Variants in CLVS1 observed in about 807,000 individuals in gnomAD.
CLVS1 encodes the protein clavesin-1.
In CLVS1, 10 loss-of-function variants were observed where a neutral mutation model predicts 33.1. The observed-to-expected ratio is 0.30, with a 90% confidence interval of 0.19 to 0.51. The LOEUF (loss-of-function observed/expected upper bound fraction) is 0.51. CLVS1 is among the 20% of genes least tolerant of loss of function. The pLI is 0.97. For synonymous variants in CLVS1, 163 were observed against 166.1 expected (o/e 0.98, Z 0.14); for missense variants, 343 against 433.4 (o/e 0.79, Z 1.85).
At chr8:60,994,171 A>C in the CLVS1 span, among the ~76,000 whole-genome samples, 85 of 152,302 alleles carry the variant, frequency 5.6e-4, no homozygotes, top group Middle Eastern at 3.4e-3. Context: ...GCAGATGGCC[A>C]TCTTCTCCCT....
At chr8:61,426,667 G>T (rs557670032) in intron 3 of CLVS1, among the ~76,000 whole-genome samples, 1 of 152,312 alleles carries the variant, frequency 6.6e-6, no homozygotes, top group African/African-American at 2.4e-5. Flanking sequence ...CACTGGATTT[G>T]CCTGGTGTTT....
chr8:61,304,438 T>C (rs1475736770), intron 2 of CLVS1, among the ~76,000 whole-genome samples: 1 of 152,254 alleles, frequency 6.6e-6, no homozygotes, highest in Non-Finnish European at 1.5e-5. Context: ...TTTTTGAGGC[T>C]GCCAGGCCGA....
intron 3 of CLVS1, among the ~76,000 whole-genome samples, chr8:61,424,254 T>A (rs923795750): frequency 6.6e-6 from 1 of 152,242 alleles, no homozygotes; most frequent in Non-Finnish European, 1.5e-5. Flanking sequence ...GGTCTTACAC[T>A]TTCCATGGAG....
At chr8:61,099,670 T>C (rs1805414523) in intron 1 of CLVS1, among the ~76,000 whole-genome samples, 1 of 151,912 alleles carries the variant, frequency 6.6e-6, no homozygotes. Flanking sequence ...AATGAGAGAG[T>C]TTGGCGAGCA....
Position 61,100,600 on chromosome 8 carries a change from A to T in CLVS1, c.-242-31170A>T, listed in dbSNP as rs543353752. On this transcript the variant is annotated intron_variant, in intron 1 of 2. Transcript: ENST00000522621. ...ACATAATCAATTCACCCATTTAAGT[A>T]TATAATCAATGGCTTTTAGTATATT... Among the ~76,000 whole-genome samples the T allele has an allele frequency of 7.9e-5, 12 of 152,320 alleles. No homozygotes were observed. The East Asian group carries it at 2.3e-3, about 29-fold the overall frequency.
At chr8:61,279,537 A>T (rs1286884118) in intron 2 of CLVS1, among the ~76,000 whole-genome samples, 1 of 152,214 alleles carries the variant, frequency 6.6e-6, no homozygotes, top group African/African-American at 2.4e-5. Flanking sequence ...CAGAAAGAGG[A>T]ACTCATAGCA....
rs538849609 is a variant in CLVS1, at chr8:61,167,281, G to A, written c.-152+35421G>A. Among the ~76,000 whole-genome samples the A allele has an allele frequency of 7.5e-4, 112 of 148,820 alleles. 2 individuals are homozygous for A. Among genetic ancestry groups the A allele is most frequent in the Non-Finnish European group, 2.1e-4 (14 of 67,608 alleles). On this transcript the variant is annotated intron_variant, in intron 2 of 2. Transcript: ENST00000522621. ...ATGATCTCTGCTCACCGCAACCTTC[G>A]CCTCCCGAGTTCAAGCCATTCTCCT... is the stretch of plus-strand genomic sequence containing the variant.
the CLVS1 span, among the ~76,000 whole-genome samples, chr8:60,972,316 A>G: frequency 6.6e-6 from 1 of 152,146 alleles, no homozygotes; most frequent in Non-Finnish European, 1.5e-5. Flanking sequence ...CAAAGTACCC[A>G]TGGTCATTCC....
intron 2 of CLVS1, among the ~76,000 whole-genome samples, chr8:61,200,734 T>C (rs1807710579): frequency 6.6e-6 from 1 of 152,230 alleles, no homozygotes; most frequent in Non-Finnish European, 1.5e-5. Flanking sequence ...GCCACAATTA[T>C]GCCAGGACTA....
In CLVS1 at chr8:61,076,704, G is replaced by A. The variant is rs368534773; in HGVS notation, c.-243+19474G>A. On this transcript the variant is annotated intron_variant, in intron 1 of 2. Coordinates refer to the CLVS1 transcript ENST00000522621. ...ATTTGTGGTAAGATCACCAGGATGG[G>A]TGGAGCAGGGCAGTTTGCCAACTGT... Among the ~76,000 whole-genome samples the A allele has an allele frequency of 2.0e-5, 3 of 152,318 alleles. No homozygotes were observed. In the East Asian group the frequency reaches 5.8e-4, roughly 29 times the overall value.
intron 5 of CLVS1, among the ~76,000 whole-genome samples, chr8:61,474,079 A>C (rs1817827678): frequency 6.6e-6 from 1 of 152,228 alleles, no homozygotes. Context: ...GCTTGTAGAA[A>C]GAAAAGAAGA....
At chr8:61,169,067 C>T (rs1043696496) in intron 2 of CLVS1, among the ~76,000 whole-genome samples, 4 of 152,114 alleles carry the variant, frequency 2.6e-5, no homozygotes, top group East Asian at 1.9e-4. Context: ...ATTGGATTGG[C>T]CAGGGTTGGG....
chr8:61,142,510 G>A (rs557072885), intron 2 of CLVS1, among the ~76,000 whole-genome samples: 1 of 152,294 alleles, frequency 6.6e-6, no homozygotes, highest in East Asian at 1.9e-4. Flanking sequence ...TGATTGAGAA[G>A]CATCACTAGG....
the CLVS1 span, among the ~76,000 whole-genome samples, chr8:61,024,195 TC>T: frequency 6.6e-6 from 1 of 152,214 alleles, no homozygotes; most frequent in Non-Finnish European, 1.5e-5. Context: ...TCCAGGGAAA[TC>T]TTTTCCCTTT....
Position 61,059,788 on chromosome 8 carries a change from G to A in CLVS1, c.-243+2558G>A, listed in dbSNP as rs150203605. ...ATCACACCAAGGCACTCCAGCCAGGGCAACAGAGCGGAACTCCATCTCAAA... is the reference window on the plus strand; with the variant it reads ...ATCACACCAAGGCACTCCAGCCAGGACAACAGAGCGGAACTCCATCTCAAA... On this transcript the variant is annotated intron_variant, in intron 1 of 2. Coordinates refer to the CLVS1 transcript ENST00000522621. Among the ~76,000 whole-genome samples the A allele has an allele frequency of 3.4e-3, 515 of 151,180 alleles. 4 individuals carry two copies. The highest frequency in any genetic ancestry group is 0.012 in the African/African-American group (483 of 41,218).
intron 1 of CLVS1, among the ~76,000 whole-genome samples, chr8:61,081,940 A>G (rs1380966798): frequency 6.6e-6 from 1 of 152,236 alleles, no homozygotes; most frequent in East Asian, 1.9e-4. Flanking sequence ...ATACTAAACG[A>G]CAAAAGCACA....
chr8:61,429,890 AT>A (rs1297282024), intron 3 of CLVS1, among the ~76,000 whole-genome samples: 1 of 152,196 alleles, frequency 6.6e-6, no homozygotes, highest in Non-Finnish European at 1.5e-5. Context: ...ACATGATTTT[AT>A]TAGTAATAAT....
chr8:61,216,709 G>A (rs144198998), intron 2 of CLVS1, among the ~76,000 whole-genome samples: 32 of 152,206 alleles, frequency 2.1e-4, no homozygotes, highest in Admixed American at 6.5e-4. Flanking sequence ...TTATGATCTG[G>A]CCCCTCAACC....
intron 2 of CLVS1, among the ~76,000 whole-genome samples, chr8:61,232,227 G>T (rs1213124976): frequency 6.6e-6 from 1 of 151,556 alleles, no homozygotes; most frequent in Non-Finnish European, 1.5e-5. Flanking sequence ...TAGTAGAGAC[G>T]GGGTTTCACC....
Sources: allele counts gnomAD v4.1 joint callset (sites outside exome capture counted in the v4.1 genomes callset), GRCh38; gene constraint gnomAD v4.1.1; transcripts MANE v1.5; gene names NCBI Gene and HGNC (gene_info 2026-07-23, HGNC 2026-07-21).